KCND3: variants seen among roughly 807,000 people sequenced by gnomAD.
The protein encoded by KCND3 is A-type voltage-gated potassium channel KCND3.
Under a neutral mutation model 51.1 loss-of-function variants are expected in KCND3, and 9 were observed. The observed-to-expected ratio is 0.18, with a 90% CI of 0.11 to 0.31. The LOEUF is 0.31. Among genes scored for constraint, KCND3 ranks in the 10% least tolerant of loss-of-function variants. The pLI, the probability that KCND3 is intolerant of heterozygous loss-of-function variation, is 1.00. For missense variants in KCND3, 526 were observed against 903.8 expected (o/e 0.58, Z 5.36); for synonymous variants, 349 against 368.0 (o/e 0.95, Z 0.59).
intron 2 of KCND3, among the ~76,000 whole-genome samples, chr1:111,841,206 G>A (rs2101641471): frequency 6.6e-6 from 1 of 152,322 alleles, no homozygotes; most frequent in South Asian, 2.1e-4. Flanking sequence ...GGGAGGCAGT[G>A]TGTGGCATAC....
intron 2 of KCND3, among the ~76,000 whole-genome samples, chr1:111,963,350 A>C (rs889822245): frequency 3.3e-5 from 5 of 152,254 alleles, no homozygotes; most frequent in African/African-American, 7.2e-5. Flanking sequence ...AGCTGAAGGC[A>C]GTGGTTAAGG....
chr1:111,782,021 A>G (rs1476325937), intron 3 of KCND3, among the ~76,000 whole-genome samples: 1 of 152,100 alleles, frequency 6.6e-6, no homozygotes, highest in Non-Finnish European at 1.5e-5. Flanking sequence ...AGAACAGCCC[A>G]CAAGGATAGC....
intron 2 of KCND3, among the ~76,000 whole-genome samples, chr1:111,855,454 T>G (rs1668021313): frequency 6.6e-6 from 1 of 152,184 alleles, no homozygotes; most frequent in Non-Finnish European, 1.5e-5. Flanking sequence ...CTTGGTTACA[T>G]CATGATGGTC....
chr1:111,955,021 C>T (rs962761198), intron 2 of KCND3, among the ~76,000 whole-genome samples: 1 of 152,186 alleles, frequency 6.6e-6, no homozygotes, highest in South Asian at 2.1e-4. Flanking sequence ...GATTTGAATA[C>T]CTTTGAGTTT....
At chr1:111,837,265 CTCTGCAGTA>C (rs1181167918) in intron 2 of KCND3, among the ~76,000 whole-genome samples, 5 of 152,162 alleles carry the variant, frequency 3.3e-5, no homozygotes. Context: ...CCAGTCTTTT[CTCTGCAGTA>C]TCATCATGAG....
intron 2 of KCND3, among the ~76,000 whole-genome samples, chr1:111,794,969 A>T (rs567238311): frequency 6.6e-6 from 1 of 152,320 alleles, no homozygotes; most frequent in South Asian, 2.1e-4. Context: ...GCTCCTAGTT[A>T]TCTGGCCCAA....
At chr1:111,808,527 C>T (rs1665685563) in intron 2 of KCND3, among the ~76,000 whole-genome samples, 1 of 152,184 alleles carries the variant, frequency 6.6e-6, no homozygotes, top group Non-Finnish European at 1.5e-5. Context: ...AGTTGAATTC[C>T]AAAATATGGT....
At chr1:111,885,050 T>TA (rs1214720735) in intron 2 of KCND3, among the ~76,000 whole-genome samples, 2 of 152,206 alleles carry the variant, frequency 1.3e-5, no homozygotes, top group Non-Finnish European at 2.9e-5. Flanking sequence ...TCCCCTATGG[T>TA]AAAAATCTTC....
intron 2 of KCND3, among the ~76,000 whole-genome samples, chr1:111,876,492 C>T (rs563673188): frequency 6.6e-6 from 1 of 152,216 alleles, no homozygotes; most frequent in Non-Finnish European, 1.5e-5. Flanking sequence ...CCCACCCCAT[C>T]TGACACCTCT....
rs181966153 is a variant in KCND3 at position 111,824,675 on chromosome 1, C to T, written c.1107-37569G>A. Among the ~76,000 whole-genome samples, 55 of 152,228 alleles carry T rather than the reference C, an allele frequency of 3.6e-4. 1 individual carries two copies. Among genetic ancestry groups the T allele is most frequent in the African/African-American group, 1.2e-3 (48 of 41,538 alleles). ...TATTTGAGTCCCATCCTCAGAAAAC[C>T]GACCCTCAGGCCTCCCAGAGAGTAT... On this transcript the variant is annotated intron_variant, in intron 2 of 7. Transcript: ENST00000302127.
At chr1:111,951,538 A>G (rs1278248314) in intron 2 of KCND3, among the ~76,000 whole-genome samples, 29 of 152,196 alleles carry the variant, frequency 1.9e-4, no homozygotes, top group Non-Finnish European at 1.5e-5. Flanking sequence ...GGGAACAACT[A>G]AGGGATGAAG....
intron 2 of KCND3, among the ~76,000 whole-genome samples, chr1:111,900,025 G>C (rs1208717107): frequency 2.0e-5 from 3 of 152,180 alleles, no homozygotes; most frequent in Non-Finnish European, 4.4e-5. Flanking sequence ...GAATCAACTT[G>C]GCGCCACACA....
chr1:111,800,551 TTAA>T (rs1159174439), intron 2 of KCND3, among the ~76,000 whole-genome samples: 10 of 132,950 alleles, frequency 7.5e-5, no homozygotes, highest in Non-Finnish European at 1.6e-4. Flanking sequence ...AAAAATAAAT[TTAA>T]AAAAAAAAAA....
At chr1:111,932,007 G>A (rs1260003338) in intron 2 of KCND3, among the ~76,000 whole-genome samples, 1 of 152,166 alleles carries the variant, frequency 6.6e-6, no homozygotes, top group African/African-American at 2.4e-5. Context: ...TCTGCAATGG[G>A]CCTCCCTGGG....
At position 111,939,800 on chromosome 1, in the gene KCND3, C is replaced by T. The variant is rs561025784; in HGVS notation, c.1106+41821G>A. On this transcript the variant is annotated intron_variant, in intron 2 of 7. Coordinates refer to ENST00000302127, the MANE Select transcript of KCND3 (RefSeq NM_001378969.1). ...GTTCTAGATCCTTGAGGAATCGCCA[C>T]ACTGTCTTCCACAATGGTTGAACTA... Among the ~76,000 whole-genome samples, 71 of 152,342 alleles carry T rather than the reference C, an allele frequency of 4.7e-4. No homozygotes were observed. In the South Asian group the frequency reaches 0.014, roughly 31 times the overall value.
chr1:111,814,176 A>G (rs1665978592), intron 2 of KCND3, among the ~76,000 whole-genome samples: 1 of 152,274 alleles, frequency 6.6e-6, no homozygotes. Context: ...CACATATGCT[A>G]CGTGCCGGGC....
At chr1:111,855,879 G>A (rs1430469209) in intron 2 of KCND3, among the ~76,000 whole-genome samples, 1 of 152,196 alleles carries the variant, frequency 6.6e-6, no homozygotes, top group Non-Finnish European at 1.5e-5. Flanking sequence ...GAGGGAGTGG[G>A]ACCAAAGCCT....
chr1:111,894,611 G>A (rs989911717), intron 2 of KCND3, among the ~76,000 whole-genome samples: 3 of 152,212 alleles, frequency 2.0e-5, no homozygotes, highest in African/African-American at 7.2e-5. Context: ...GGGAATGAAG[G>A]ATGGCAGGCG....
At chr1:111,916,236 C>G (rs191481733) in intron 2 of KCND3, among the ~76,000 whole-genome samples, 2 of 152,060 alleles carry the variant, frequency 1.3e-5, no homozygotes, top group Admixed American at 1.3e-4. Flanking sequence ...TTTGACCATA[C>G]TAGAATTAAA....
Sources: allele counts gnomAD v4.1 joint callset (sites outside exome capture counted in the v4.1 genomes callset), GRCh38; gene constraint gnomAD v4.1.1; transcripts MANE v1.5; gene names NCBI Gene and HGNC (gene_info 2026-07-23, HGNC 2026-07-21).